Variants in PPP2R2A observed in about 807,000 individuals in gnomAD.
PPP2R2A encodes the protein serine/threonine-protein phosphatase 2A 55 kDa regulatory subunit B alpha isoform.
Under a neutral mutation model 53.2 loss-of-function variants are expected in PPP2R2A, and 9 were observed. That is an observed-to-expected ratio of 0.17 (90% CI 0.10 to 0.30). The LOEUF is 0.30. PPP2R2A is among the 10% of genes least tolerant of loss of function. The probability of loss-of-function intolerance (pLI) is 1.00; values close to 1 mark genes in which losing one functional copy is unlikely to be tolerated. For missense variants in PPP2R2A, 235 were observed against 534.6 expected, an observed-to-expected ratio of 0.44 and a Z score of 5.53; for synonymous variants, 169 against 174.2, an observed-to-expected ratio of 0.97 and a Z score of 0.23.
At chr8:26,346,666 C>T (rs2117354072) in intron 3 of PPP2R2A, among the ~76,000 whole-genome samples, 1 of 152,298 alleles carries the variant, frequency 6.6e-6, no homozygotes, top group South Asian at 2.1e-4. Context: ...TCAAATATCT[C>T]TCTATAGCCT....
rs1802826264 is a variant in PPP2R2A, at chr8:26,321,288, C to T, written c.83-17602C>T. Among the ~76,000 whole-genome samples, 1 of 152,050 alleles carries T rather than the reference C, an allele frequency of 6.6e-6. No individual in the cohort carries two copies. The highest frequency in any genetic ancestry group is 6.6e-5 in the Admixed American group (1 of 15,262). On this transcript the variant is annotated intron_variant, in intron 2 of 9. Transcript: ENST00000380737. This position sits in a 1 kb window ranked among gnomAD's most constrained non-coding sequence, Gnocchi z 4.1. ...AACTGGGATTGAAAACTAAATGGCT[C>T]TTACCAAGAGAAATGTGACCAGAGA... is the stretch of plus-strand genomic sequence containing the variant.
chr8:26,292,985 A>T, intron 1 of PPP2R2A: 1 of 405,574 alleles, frequency 2.5e-6, no homozygotes, highest in East Asian at 3.7e-5. Context: ...AAATGAAATG[A>T]GATTAAAATT....
rs573495213 is a variant in PPP2R2A at position 26,339,353 on chromosome 8, G to T, written c.180+366G>T. Among the ~76,000 whole-genome samples, 5 of 152,094 alleles carry T rather than the reference G, an allele frequency of 3.3e-5. No individual in the cohort carries two copies. The South Asian group carries it at 6.2e-4, about 19-fold the overall frequency. The stretch of plus-strand genomic sequence containing the variant: ...TGCTTTGACTTCTTCTCAATGCTTG[G>T]TTTACTTTGTACAATTGAGGGGTGA... On this transcript the variant is annotated intron_variant, in intron 3 of 9. Transcript: ENST00000380737.
chr8:26,326,886 CTG>C (rs1374350068), intron 2 of PPP2R2A, among the ~76,000 whole-genome samples: 2 of 152,186 alleles, frequency 1.3e-5, no homozygotes, highest in African/African-American at 4.8e-5. Context: ...GGCTTATTGT[CTG>C]TTTAAAAAAC....
At chr8:26,359,835 T>G (rs1031102765) in intron 4 of PPP2R2A, among the ~76,000 whole-genome samples, 1 of 152,162 alleles carries the variant, frequency 6.6e-6, no homozygotes, top group African/African-American at 2.4e-5. Flanking sequence ...TGTTTACATG[T>G]AGGTACAGAC....
At chr8:26,337,045 T>C (rs913711932) in intron 2 of PPP2R2A, among the ~76,000 whole-genome samples, 1 of 152,106 alleles carries the variant, frequency 6.6e-6, no homozygotes, top group South Asian at 2.1e-4. Context: ...TTTAGGTGGA[T>C]GCAACAACTT....
intron 4 of PPP2R2A, among the ~76,000 whole-genome samples, chr8:26,356,536 A>G (rs1001348107): frequency 6.6e-6 from 1 of 152,236 alleles, no homozygotes; most frequent in Non-Finnish European, 1.5e-5. Context: ...GCTAGCTTCT[A>G]GTCTTGGGTC....
chr8:26,292,937 G>C lies in PPP2R2A; in HGVS notation c.8-729G>C, dbSNP rs1801373150. Among the ~76,000 whole-genome samples the C allele has an allele frequency of 2.0e-5, 3 of 152,140 alleles. No homozygotes were observed. In the South Asian group the frequency reaches 6.2e-4, roughly 31 times the overall value. ...AAGTTAACATGTCGGATTGACTTAC[G>C]GTTTGCTATAAACAAGTTGCTTGTT... On this transcript the variant is annotated intron_variant, in intron 1 of 9. Transcript: ENST00000380737.
At chr8:26,295,078 C>T (rs938512475) in intron 2 of PPP2R2A, among the ~76,000 whole-genome samples, 3 of 152,144 alleles carry the variant, frequency 2.0e-5, no homozygotes, top group Non-Finnish European at 4.4e-5. Context: ...AGTAAACACT[C>T]CAGTATTGGA....
chr8:26,362,990 T>A lies in PPP2R2A; in HGVS notation c.802+142T>A. The A allele has an allele frequency of 1.4e-6, 1 of 713,524 alleles. No individual in the cohort carries two copies. The highest frequency in any genetic ancestry group is 2.3e-6 in the Non-Finnish European group (1 of 441,114). The allele number at this position is 713,524 out of a possible 1,614,324, so 44.2% of individuals were successfully genotyped here. A position where few individuals can be genotyped will look rare whatever the true frequency, so the allele number is the denominator to read the frequency against. ...CCACTTGTACCCTTGGTAATCTGCCTACCTCCTCATGAGGCATTCCAGGTT... is the reference window on the plus strand; with the variant it reads ...CCACTTGTACCCTTGGTAATCTGCCAACCTCCTCATGAGGCATTCCAGGTT... On this transcript the variant is annotated intron_variant, in intron 7 of 9. Coordinates refer to ENST00000380737, the MANE Select transcript of PPP2R2A (RefSeq NM_002717.4). This position sits in a 1 kb window ranked among gnomAD's most constrained non-coding sequence, Gnocchi z 4.4.
At chr8:26,313,697 T>A (rs1317610777) in intron 2 of PPP2R2A, among the ~76,000 whole-genome samples, 5 of 151,766 alleles carry the variant, frequency 3.3e-5, no homozygotes, top group African/African-American at 9.7e-5. Context: ...GGCAAGAAAA[T>A]CAAAGGAGGA....
At chr8:26,347,401 C>T (rs563182875) in intron 3 of PPP2R2A, among the ~76,000 whole-genome samples, 96 of 146,228 alleles carry the variant, frequency 6.6e-4, no homozygotes, top group South Asian at 2.2e-3. Context: ...TGTGTCCACG[C>T]GCATGTGCAT....
At chr8:26,294,024 G>C (rs960754875) in intron 2 of PPP2R2A, among the ~76,000 whole-genome samples, 1 of 152,134 alleles carries the variant, frequency 6.6e-6, no homozygotes, top group African/African-American at 2.4e-5. Context: ...CCATATAAGG[G>C]TTTCTTTGTT....
At chr8:26,361,268 A>C (rs1016741488) in intron 6 of PPP2R2A, 117 bp downstream of exon 6, 1 of 926,218 alleles carries the variant, frequency 1.1e-6, no homozygotes, top group Non-Finnish European at 1.5e-6. Flanking sequence ...ACATATATGT[A>C]TGGCACCTTA....
At chr8:26,324,529 G>C (rs1365103296) in intron 2 of PPP2R2A, among the ~76,000 whole-genome samples, 1 of 152,196 alleles carries the variant, frequency 6.6e-6, no homozygotes, top group Non-Finnish European at 1.5e-5. Flanking sequence ...TGGATGCCCA[G>C]ACAGAAGTCT....
At position 26,360,612 on chromosome 8, in the gene PPP2R2A, C is replaced by G. The variant is rs1805029126; in HGVS notation, c.459+331C>G. On this transcript the variant is annotated intron_variant, in intron 5 of 9. Coordinates refer to ENST00000380737, the MANE Select transcript of PPP2R2A (RefSeq NM_002717.4). This position sits in a 1 kb window ranked among gnomAD's most constrained non-coding sequence, Gnocchi z 4.5. ...TCAAAAAAGTAGATACAGATCAAAT[C>G]TTCTAGTTGTAGCTAAAAAATACCA... 3.5e-6 allele frequency: 1 copy of G among 285,268 alleles called. No homozygotes were observed. Among genetic ancestry groups the G allele is most frequent in the Non-Finnish European group, 6.4e-6 (1 of 156,454 alleles). The allele number at this position is 285,268 out of a possible 1,614,324, so 17.7% of individuals were successfully genotyped here.
chr8:26,366,221 G>A (rs28396889), intron 8 of PPP2R2A, 94 bp from the exon 9 acceptor site: 1 of 892,764 alleles, frequency 1.1e-6, no homozygotes, highest in Non-Finnish European at 1.8e-6. Flanking sequence ...GTGTGTGTAT[G>A]TGTCTGTATA....
chr8:26,301,561 T>C (rs1160367322), intron 2 of PPP2R2A, among the ~76,000 whole-genome samples: 2 of 152,178 alleles, frequency 1.3e-5, no homozygotes, highest in Non-Finnish European at 2.9e-5. Context: ...GGTCTGCTGA[T>C]GGCGTTCGTT....
chr8:26,332,292 C>CAG (rs1298995663), intron 2 of PPP2R2A, among the ~76,000 whole-genome samples: 1 of 147,472 alleles, frequency 6.8e-6, no homozygotes, highest in Non-Finnish European at 1.5e-5. Flanking sequence ...ACCCGGGAGG[C>CAG]AGAGGTTGCA....
Sources: gnomAD v4.1 joint callset for allele counts (sites outside exome capture counted in the v4.1 genomes callset) on GRCh38, gnomAD v4.1.1 for gene constraint, Gnocchi (gnomAD v3.1) non-coding constraint, MANE v1.5 for transcripts, NCBI Gene and HGNC (gene_info 2026-07-23, HGNC 2026-07-21) for gene names.